The following MPDZ variants were observed in gnomAD, a reference collection of about 807,000 sequenced individuals.
The protein encoded by MPDZ is multiple PDZ domain protein.
A neutral mutation model predicts 239.1 loss-of-function variants in MPDZ; 234 were observed. The observed-to-expected ratio is 0.98, with a 90% CI of 0.88 to 1.09. The LOEUF (loss-of-function observed/expected upper bound fraction) is 1.09. Ranked by LOEUF, MPDZ falls within the 50% of genes least tolerant of loss-of-function variation. MPDZ has a pLI of 0.00. For synonymous variants in MPDZ, 1,048 were observed against 881.3 expected, an observed-to-expected ratio of 1.19 and a Z score of -3.35; for missense variants, 3,175 against 2,510.0, an observed-to-expected ratio of 1.26 and a Z score of -5.66.
In MPDZ at chr9:13,121,925, C is replaced by G. The variant is rs1436380772; in HGVS notation, c.5045G>C (p.Gly1682Ala). ...ATGTGTGGCCTTTCTCAAGTCAATT[C>G]CATTCACCTGTACAGAAATGGGACA... ...WAGDQILEVNGIDLRKATHDE... is the reference protein window; with the variant it reads ...WAGDQILEVNAIDLRKATHDE... Residue 1682 changes from glycine to alanine, a missense_variant, in exon 38 of 47, where the codon GGA becomes GCA. Coordinates refer to ENST00000319217, the MANE Select transcript of MPDZ (RefSeq NM_001378778.1). 3 of 1,612,802 alleles carry G rather than the reference C, an allele frequency of 1.9e-6. No individual in the cohort carries two copies. The highest frequency in any genetic ancestry group is 2.5e-6 in the Non-Finnish European group (3 of 1,179,396).
At chr9:13,264,067 A>G (rs1269634081) in intron 1 of MPDZ, among the ~76,000 whole-genome samples, 2 of 152,164 alleles carry the variant, frequency 1.3e-5, no homozygotes, top group Non-Finnish European at 2.9e-5. Flanking sequence ...TTTCTAATGG[A>G]GGGAGTGAAG....
At chr9:13,243,402 A>G (rs1965878115) in intron 3 of MPDZ, among the ~76,000 whole-genome samples, 1 of 151,944 alleles carries the variant, frequency 6.6e-6, no homozygotes, top group African/African-American at 2.4e-5. Context: ...AACAAATTAA[A>G]TGACATACTC....
Position 13,115,251 on chromosome 9 carries a change from G to A in MPDZ, c.5463C>T (p.Ser1821=), listed in dbSNP as rs1355119465. 2.5e-6 allele frequency: 4 copies of A among 1,611,832 alleles called. No homozygotes were observed. The highest frequency in any genetic ancestry group is 2.2e-5 in the South Asian group (2 of 90,976). ...GATGAACTCCACAGCTACCCACCTG[G>A]CTGCTTTGAGATGGCCTCCTCTCTG... ...FHSERRPSQS[S]QVSEGSLSSF... Residue 1821 remains serine, a synonymous_variant, in exon 40 of 47, where the codon AGC becomes AGT. Transcript: ENST00000319217.
At position 13,216,857 on chromosome 9, in the gene MPDZ, A is replaced by C. The variant is rs780154641; in HGVS notation, c.1207T>G (p.Ser403Ala). ...GYIGDKKLEP[S>A]GIFVKSITKS... ...GTAATGCTCTTTACAAAGATTCCTG[A>C]AGGTTCTAAGATTAGAAATAGTTTA... The change falls in exon 10 of 47, where the codon TCA becomes GCA. Residue 403 changes from serine (S) to alanine (A), a missense_variant. Coordinates refer to ENST00000319217, the MANE Select transcript of MPDZ (RefSeq NM_001378778.1). 6.2e-7 allele frequency: 1 copy of C among 1,607,806 alleles called. No homozygotes were observed.
At chr9:13,233,207 G>A (rs1461879153) in intron 3 of MPDZ, among the ~76,000 whole-genome samples, 2 of 152,076 alleles carry the variant, frequency 1.3e-5, no homozygotes, top group Non-Finnish European at 2.9e-5. Flanking sequence ...GAACATCCAA[G>A]AGAAATACAC....
At chr9:13,198,113 A>G (rs1955884579) in intron 12 of MPDZ, among the ~76,000 whole-genome samples, 1 of 152,104 alleles carries the variant, frequency 6.6e-6, no homozygotes, top group South Asian at 2.1e-4. Flanking sequence ...TATATACCCA[A>G]GAGTAGGACT....
intron 13 of MPDZ, among the ~76,000 whole-genome samples, chr9:13,194,692 T>A (rs139705989): frequency 6.6e-6 from 1 of 151,948 alleles, no homozygotes; most frequent in East Asian, 1.9e-4. Flanking sequence ...TGCACATGTA[T>A]CCTAGAACTT....
At chr9:13,278,064 C>T (rs941499221) in intron 1 of MPDZ, among the ~76,000 whole-genome samples, 1 of 152,126 alleles carries the variant, frequency 6.6e-6, no homozygotes, top group Non-Finnish European at 1.5e-5. Flanking sequence ...GTTATTTATT[C>T]TATAAAGGGT....
chr9:13,248,055 C>T (rs1233984669), intron 2 of MPDZ, among the ~76,000 whole-genome samples: 2 of 151,798 alleles, frequency 1.3e-5, no homozygotes, highest in South Asian at 4.2e-4. Flanking sequence ...GATGAAACCC[C>T]GTTTCTACTA....
chr9:13,213,242 A>C (rs1442263462), intron 10 of MPDZ, among the ~76,000 whole-genome samples: 1 of 152,094 alleles, frequency 6.6e-6, no homozygotes, highest in Non-Finnish European at 1.5e-5. Context: ...GGAGACATTC[A>C]GTCTATTCCT....
chr9:13,270,925 A>T (rs1055210449), intron 1 of MPDZ, among the ~76,000 whole-genome samples: 9 of 152,188 alleles, frequency 5.9e-5, no homozygotes, highest in Non-Finnish European at 1.0e-4. Context: ...GGAGTGACAG[A>T]TCTATCAAAC....
chr9:13,150,855 A>G (rs1017562271), intron 24 of MPDZ, among the ~76,000 whole-genome samples, 167 bp from the exon 25 acceptor site: 2 of 152,104 alleles, frequency 1.3e-5, no homozygotes, highest in Non-Finnish European at 2.9e-5. Context: ...TGTTCATCAA[A>G]TGATACTCTC....
At chr9:13,127,605 G>C (rs1006197644) in intron 32 of MPDZ, among the ~76,000 whole-genome samples, 2 of 152,198 alleles carry the variant, frequency 1.3e-5, no homozygotes, top group East Asian at 1.9e-4. Context: ...ATACACACAA[G>C]TTAAATGTGC....
intron 8 of MPDZ, among the ~76,000 whole-genome samples, chr9:13,217,576 G>T (rs528540562): frequency 1.1e-4 from 16 of 151,610 alleles, no homozygotes; most frequent in Admixed American, 2.6e-4. Flanking sequence ...AATCAAACAG[G>T]TTTTTTTTAG....
intron 23 of MPDZ, among the ~76,000 whole-genome samples, chr9:13,160,897 T>C (rs1458665574): frequency 1.7e-5 from 2 of 119,962 alleles, no homozygotes; most frequent in African/African-American, 3.0e-5. Context: ...AGCTTTTACA[T>C]TGTATTAGGT....
chr9:13,212,580 G>A (rs1376103864), intron 10 of MPDZ, among the ~76,000 whole-genome samples: 1 of 151,734 alleles, frequency 6.6e-6, no homozygotes, highest in Non-Finnish European at 1.5e-5. Context: ...TCACAAGAGA[G>A]TCAAGAAGTC....
At chr9:13,234,959 G>T (rs1466217813) in intron 3 of MPDZ, among the ~76,000 whole-genome samples, 3 of 152,052 alleles carry the variant, frequency 2.0e-5, no homozygotes, top group African/African-American at 7.2e-5. Flanking sequence ...AGGATGCTGA[G>T]AGCATTCAAT....
chr9:13,196,979 C>A (rs948537995), intron 12 of MPDZ, among the ~76,000 whole-genome samples: 6 of 151,662 alleles, frequency 4.0e-5, no homozygotes, highest in Non-Finnish European at 7.4e-5. Context: ...TTTCAATATC[C>A]TTTTTAGCAT....
At chr9:13,205,775 T>C (rs1024336874) in intron 11 of MPDZ, 141 bp downstream of exon 11, 6 of 718,004 alleles carry the variant, frequency 8.4e-6, no homozygotes, top group Middle Eastern at 4.1e-4. Flanking sequence ...TTTACTCGCC[T>C]TGGTTTATAA....
Sources: allele counts gnomAD v4.1 joint callset (sites outside exome capture counted in the v4.1 genomes callset), GRCh38; gene constraint gnomAD v4.1.1; transcripts MANE v1.5; gene names NCBI Gene and HGNC (gene_info 2026-07-23, HGNC 2026-07-21).